Variants in CCDC57 observed in about 807,000 individuals in gnomAD.
CCDC57 encodes coiled-coil domain containing 57.
In CCDC57, 118 loss-of-function variants were observed where a neutral mutation model predicts 118.9. The observed-to-expected ratio is 0.99, with a 90% CI of 0.86 to 1.16. The LOEUF is 1.16. Ranked by LOEUF, CCDC57 falls within the 50% of genes most tolerant of loss-of-function variation. The pLI is 0.00. For missense variants in CCDC57, 1,300 were observed against 1,320.7 expected, an observed-to-expected ratio of 0.98 and a Z score of 0.24; for synonymous variants, 527 against 532.9, an observed-to-expected ratio of 0.99 and a Z score of 0.15.
At chr17:82,147,589 A>ATGGG (rs2040942695) in intron 16 of CCDC57, among the ~76,000 whole-genome samples, 2 of 118,834 alleles carry the variant, frequency 1.7e-5, no homozygotes, top group African/African-American at 3.3e-5. Context: ...GGATGGATGG[A>ATGGG]TGGGTGGGTG....
chr17:82,141,040 T>C (rs2039935825), intron 16 of CCDC57, among the ~76,000 whole-genome samples: 1 of 151,966 alleles, frequency 6.6e-6, no homozygotes, highest in Non-Finnish European at 1.5e-5. Context: ...AGATGGAGTC[T>C]CGATCTGTCA....
exon 20 of CCDC57, chr17:82,101,777 T>G (rs962077023): frequency 6.2e-7 from 1 of 1,608,990 alleles, no homozygotes; most frequent in Non-Finnish European, 8.5e-7. Flanking sequence ...GTCTTGGCCT[T>G]TGCCTGGGCT....
intron 19 of CCDC57, chr17:82,126,573 GC>G: frequency 1.0e-6 from 1 of 985,312 alleles, no homozygotes; most frequent in African/African-American, 1.7e-5. Flanking sequence ...CCCAGCAGAG[GC>G]GCTGATGCCA....
chr17:82,131,002 G>A (rs1215755800), intron 17 of CCDC57, among the ~76,000 whole-genome samples: 6 of 150,994 alleles, frequency 4.0e-5, no homozygotes, highest in African/African-American at 1.5e-4. Flanking sequence ...TGGTAGAGAC[G>A]AGGTTTTGCC....
chr17:82,199,395 T>C (rs2048710168), intron 3 of CCDC57, among the ~76,000 whole-genome samples: 1 of 145,794 alleles, frequency 6.9e-6, no homozygotes, highest in Non-Finnish European at 1.5e-5. Context: ...GGAGAACCCC[T>C]TGAACCCCGG....
chr17:82,162,475 A>G (rs2043468321), intron 14 of CCDC57, among the ~76,000 whole-genome samples: 1 of 152,242 alleles, frequency 6.6e-6, no homozygotes, highest in Non-Finnish European at 1.5e-5. Context: ...CAGGAGGTTG[A>G]AAAGAACAGC....
intron 8 of CCDC57, 99 bp from the exon 8 acceptor site, chr17:82,184,031 G>T (rs12953056): frequency 3.9e-5 from 5 of 128,350 alleles, no homozygotes; most frequent in East Asian, 2.0e-4. Context: ...GCGCGCGCGC[G>T]CACACACACA....
At chr17:82,163,081 A>G (rs949047911) in intron 14 of CCDC57, 119 bp downstream of exon 13, 1 of 1,235,266 alleles carries the variant, frequency 8.1e-7, no homozygotes, top group Non-Finnish European at 1.2e-6. Flanking sequence ...ACAGGCAGAG[A>G]GAGGTCAGTG....
chr17:82,149,515 G>C (rs1568266887), intron 16 of CCDC57, among the ~76,000 whole-genome samples: 1 of 152,088 alleles, frequency 6.6e-6, no homozygotes, highest in South Asian at 2.1e-4. Flanking sequence ...CCACAGAGCC[G>C]CACAGAAATG....
intron 9 of CCDC57, among the ~76,000 whole-genome samples, chr17:82,182,534 A>T (rs1485275989): frequency 2.0e-5 from 3 of 151,702 alleles, no homozygotes; most frequent in Non-Finnish European, 4.4e-5. Flanking sequence ...TTGTATTTTT[A>T]GTAGAGATGG....
intron 19 of CCDC57, among the ~76,000 whole-genome samples, chr17:82,119,670 G>A (rs892751914): frequency 6.6e-6 from 1 of 151,876 alleles, no homozygotes; most frequent in Non-Finnish European, 1.5e-5. Flanking sequence ...TGCAGGTGGG[G>A]TACCCACAGG....
intron 16 of CCDC57, among the ~76,000 whole-genome samples, chr17:82,147,012 T>TTGG (rs1431593367): frequency 6.6e-6 from 1 of 152,186 alleles, no homozygotes; most frequent in Non-Finnish European, 1.5e-5. Context: ...TTAGCCAGAT[T>TTGG]TGGGCCTGGC....
chr17:82,141,348 T>C (rs1186582349), intron 16 of CCDC57, among the ~76,000 whole-genome samples: 1 of 152,186 alleles, frequency 6.6e-6, no homozygotes, highest in African/African-American at 2.4e-5. Context: ...CATGGCTGGC[T>C]AATTTTTGTA....
chr17:82,109,916 C>A (rs2048750293), intron 19 of CCDC57, among the ~76,000 whole-genome samples: 1 of 150,314 alleles, frequency 6.7e-6, no homozygotes, highest in Non-Finnish European at 1.5e-5. Context: ...GTTAAAAAGA[C>A]AGAAAAAGTA....
At chr17:82,179,319 C>T in intron 9 of CCDC57, 130 bp from the exon 9 acceptor site, 8 of 1,003,018 alleles carry the variant, frequency 8.0e-6, no homozygotes, top group Non-Finnish European at 1.1e-5. Flanking sequence ...GCTGGGCTGA[C>T]ATGCTCCCGA....
At chr17:82,211,227 T>C (rs1239100778) in intron 1 of CCDC57, among the ~76,000 whole-genome samples, 5 of 152,168 alleles carry the variant, frequency 3.3e-5, no homozygotes, top group Admixed American at 1.3e-4. Context: ...AATTTCCCTG[T>C]TGAGGTTTTC....
chr17:82,137,893 T>C (rs1199070965), intron 16 of CCDC57, among the ~76,000 whole-genome samples: 2 of 151,696 alleles, frequency 1.3e-5, no homozygotes, highest in Non-Finnish European at 2.9e-5. Context: ...AGGATGGTCT[T>C]GATCTCTTGA....
intron 13 of CCDC57, among the ~76,000 whole-genome samples, chr17:82,169,007 A>C (rs752778386): frequency 2.6e-5 from 4 of 152,246 alleles, no homozygotes; most frequent in Non-Finnish European, 5.9e-5. Context: ...TTCCTCTGGG[A>C]TTAGGGAGAA....
chr17:82,202,973 C>T (rs2049173607), intron 2 of CCDC57, among the ~76,000 whole-genome samples: 1 of 152,200 alleles, frequency 6.6e-6, no homozygotes, highest in Non-Finnish European at 1.5e-5. Flanking sequence ...CACCCAACAC[C>T]CTGCTCCTGG....
Sources: gnomAD v4.1 joint callset for allele counts (sites outside exome capture counted in the v4.1 genomes callset) on GRCh38, gnomAD v4.1.1 for gene constraint, MANE v1.5 for transcripts, NCBI Gene and HGNC (gene_info 2026-07-23, HGNC 2026-07-21) for gene names.